Variants in ABHD18 observed in about 807,000 individuals in gnomAD.
ABHD18 encodes cardiolipin-specific deacylase, mitochondrial.
ABHD18 carries 55 observed loss-of-function variants against 65.9 expected under a neutral mutation model. The ratio of observed to expected loss-of-function variants is 0.84; its 90% confidence interval spans 0.67 to 1.05. The LOEUF (loss-of-function observed/expected upper bound fraction) is 1.05, where lower values mean the gene tolerates loss of function less well. ABHD18 is among the 50% of genes least tolerant of loss of function. The pLI is 0.00. For missense variants in ABHD18, 533 were observed against 558.5 expected, an observed-to-expected ratio of 0.95 and a Z score of 0.46; for synonymous variants, 181 against 180.2, an observed-to-expected ratio of 1.00 and a Z score of -0.04.
At chr4:127,985,948 G>A (rs1749869166) in intron 3 of ABHD18, among the ~76,000 whole-genome samples, 1 of 152,140 alleles carries the variant, frequency 6.6e-6, no homozygotes, top group African/African-American at 2.4e-5. Flanking sequence ...CCAGGATGCG[G>A]AGGTTGCAGT....
rs145755776 is a variant in ABHD18 at position 127,977,178 on chromosome 4, T to TAA, written c.-17-5752_-17-5751dup. Among the ~76,000 whole-genome samples, 7 of 149,786 alleles carry TAA rather than the reference T, an allele frequency of 4.7e-5. No homozygotes were observed. In the East Asian group the frequency reaches 1.4e-3, roughly 29 times the overall value. On this transcript the variant is annotated intron_variant, in intron 1 of 12. Transcript: ENST00000645843. The stretch of plus-strand genomic sequence containing the variant: ...ATTCAGGTATAATCAGAAATCTGTT[T>TAA]AAAAAAAAAACAAGCTGGGCGTGGT...
intron 4 of ABHD18, among the ~76,000 whole-genome samples, chr4:128,007,148 A>G (rs1249022520): frequency 6.6e-6 from 1 of 151,920 alleles, no homozygotes; most frequent in Non-Finnish European, 1.5e-5. Context: ...TCCATCTCTC[A>G]AAGAAAAAAG....
At chr4:128,030,989 G>C in intron 12 of ABHD18, 3 of 1,056,622 alleles carry the variant, frequency 2.8e-6, no homozygotes, top group Non-Finnish European at 3.4e-6. Flanking sequence ...TTGCTTTGGT[G>C]CATCAAGAGT....
chr4:128,031,748 A>G (rs1379759441), intron 12 of ABHD18, among the ~76,000 whole-genome samples: 1 of 152,232 alleles, frequency 6.6e-6, no homozygotes, highest in Non-Finnish European at 1.5e-5. Flanking sequence ...CACCCTTTTT[A>G]GAAATAAACC....
chr4:127,974,166 G>C (rs1435001573), intron 1 of ABHD18, among the ~76,000 whole-genome samples: 2 of 146,414 alleles, frequency 1.4e-5, no homozygotes, highest in Admixed American at 6.8e-5. Flanking sequence ...CTTTTTTGAA[G>C]AGAATATTAA....
In ABHD18 at chr4:128,028,380, T is replaced by C. The variant is rs934093615; in HGVS notation, c.802-95T>C. ...TACATTTTATTTATCCATTTATTCA[T>C]TGATGGACATTTGTCTTTTCTCTTT... On this transcript the variant is annotated intron_variant, in intron 10 of 12. Coordinates refer to ENST00000645843, the MANE Select transcript of ABHD18 (RefSeq NM_001358451.3). 4 of 910,660 alleles carry C rather than the reference T, an allele frequency of 4.4e-6. No homozygotes were observed. In the South Asian group the frequency reaches 7.2e-5, roughly 16 times the overall value. 56.4% of individuals were successfully genotyped at this position (910,660 alleles called of 1,614,324 possible). A position where few individuals can be genotyped will look rare whatever the true frequency, so the allele number is the denominator to read the frequency against.
intron 1 of ABHD18, among the ~76,000 whole-genome samples, chr4:127,976,731 T>C (rs1747989677): frequency 6.6e-6 from 1 of 152,158 alleles, no homozygotes; most frequent in African/African-American, 2.4e-5. Context: ...TGGATATACT[T>C]AGTATAAGTT....
chr4:127,991,284 G>A (rs1750870591), intron 4 of ABHD18, among the ~76,000 whole-genome samples: 1 of 152,134 alleles, frequency 6.6e-6, no homozygotes, highest in Admixed American at 6.6e-5. Flanking sequence ...TAGGCTAGAT[G>A]GAGAGCAGTG....
intron 1 of ABHD18, among the ~76,000 whole-genome samples, chr4:127,973,020 C>G (rs1747144851): frequency 6.6e-6 from 1 of 151,914 alleles, no homozygotes; most frequent in Non-Finnish European, 1.5e-5. Flanking sequence ...CGTTTCCTTT[C>G]TTTTCTTTTC....
At chr4:128,020,743 GA>G (rs1756353418) in intron 9 of ABHD18, among the ~76,000 whole-genome samples, 4 of 152,122 alleles carry the variant, frequency 2.6e-5, no homozygotes. Context: ...CTAAAGATAG[GA>G]AGTCTTAGGC....
intron 7 of ABHD18, among the ~76,000 whole-genome samples, 188 bp downstream of exon 7, chr4:128,011,888 A>G (rs1284628125): frequency 6.6e-6 from 1 of 151,982 alleles, no homozygotes; most frequent in African/African-American, 2.4e-5. Flanking sequence ...TTGCATTTTA[A>G]TGTCTGTTAA....
intron 4 of ABHD18, among the ~76,000 whole-genome samples, chr4:128,006,999 G>T (rs1422854715): frequency 6.6e-6 from 1 of 152,170 alleles, no homozygotes; most frequent in Non-Finnish European, 1.5e-5. Context: ...TACAAAATTA[G>T]CCGGGCATGG....
chr4:127,989,611 T>C (rs1418718598), intron 3 of ABHD18, 110 bp from the exon 4 acceptor site: 2 of 613,942 alleles, frequency 3.3e-6, no homozygotes. Context: ...ACATAGTAGG[T>C]GCTGAAAACA....
intron 9 of ABHD18, among the ~76,000 whole-genome samples, chr4:128,020,457 T>C (rs865975154): frequency 6.6e-6 from 1 of 152,118 alleles, no homozygotes. Context: ...CAATAATTAT[T>C]GACAATAAGT....
At chr4:127,989,888 C>G (rs1750636933) in intron 4 of ABHD18, 67 bp downstream of exon 4, 2 of 979,070 alleles carry the variant, frequency 2.0e-6, no homozygotes, top group Non-Finnish European at 1.5e-6. Context: ...AATATCAACA[C>G]TATGTTATTT....
intron 4 of ABHD18, among the ~76,000 whole-genome samples, chr4:127,997,844 T>C (rs914305194): frequency 6.6e-6 from 1 of 151,964 alleles, no homozygotes; most frequent in Non-Finnish European, 1.5e-5. Context: ...ATCTCCTCCT[T>C]CTCCTCCTTC....
At position 127,974,200 on chromosome 4, in the gene ABHD18, T is replaced by TGG. The variant is rs1747437767; in HGVS notation, c.-18+8594_-18+8595insGG. ...AACCTTAAGTTCTGTTTTTTTTTTT[T>TGG]TTTTTTTTTTTTTTTGAGACAGAGT... is the stretch of plus-strand genomic sequence containing the variant. On this transcript the variant is annotated intron_variant, in intron 1 of 12. Transcript: ENST00000645843. 2.1e-5 allele frequency among the ~76,000 whole-genome samples: 3 copies of TGG among 144,386 alleles called. No homozygotes were observed. The East Asian group carries it at 6.0e-4, about 29-fold the overall frequency. 94.7% of individuals were successfully genotyped at this position (144,386 alleles called of 152,430 possible). A position where few individuals can be genotyped will look rare whatever the true frequency, so the allele number is the denominator to read the frequency against.
At position 128,028,849 on chromosome 4, in the gene ABHD18, C is replaced by T. The variant is rs772414608; in HGVS notation, c.1176C>T (p.Phe392=). ...ATGAATGTACTCATGTAGCAAATTT[C>T]TCAGGTACTAATTTTTATATGAAAT... is the stretch of plus-strand genomic sequence containing the variant. The part of the protein sequence containing the change: ...VMDECTHVAN[F]SVPVDPSLII... The change falls in exon 11 of 13, where the codon TTC becomes TTT. Residue 392 remains phenylalanine, a synonymous_variant. Transcript: ENST00000645843. The T allele has an allele frequency of 1.3e-6, 2 of 1,535,058 alleles. No individual in the cohort carries two copies. The highest frequency in any genetic ancestry group is 2.8e-5 in the African/African-American group (2 of 71,680).
In ABHD18 at chr4:127,989,702, G is replaced by T. The variant is rs1033432785; in HGVS notation, c.178-19G>T. ...ATCTTAGTTTTCTTGCATACATCTTGGTTTTGATTTTCTTTTAGATTGAAG... is the reference window on the plus strand; with the variant it reads ...ATCTTAGTTTTCTTGCATACATCTTTGTTTTGATTTTCTTTTAGATTGAAG... On this transcript the variant is annotated intron_variant, in intron 3 of 12. Coordinates refer to ENST00000645843, the MANE Select transcript of ABHD18 (RefSeq NM_001358451.3). 1.3e-6 allele frequency: 2 copies of T among 1,503,278 alleles called. No homozygotes were observed. The highest frequency in any genetic ancestry group is 2.3e-5 in the East Asian group (1 of 42,906). 93.1% of individuals were successfully genotyped at this position (1,503,278 alleles called of 1,614,324 possible). A position where few individuals can be genotyped will look rare whatever the true frequency, so the allele number is the denominator to read the frequency against.
Sources: gnomAD v4.1 joint callset for allele counts (sites outside exome capture counted in the v4.1 genomes callset) on GRCh38, gnomAD v4.1.1 for gene constraint, MANE v1.5 for transcripts, NCBI Gene and HGNC (gene_info 2026-07-23, HGNC 2026-07-21) for gene names.